The following SLC26A7 variants were observed in gnomAD, a reference collection of about 807,000 sequenced individuals.
SLC26A7 encodes anion exchange transporter.
In SLC26A7, 59 loss-of-function variants were observed where a neutral mutation model predicts 82.5. The ratio of observed to expected loss-of-function variants is 0.72; its 90% CI spans 0.58 to 0.89. SLC26A7 has a LOEUF of 0.89. Among genes scored for constraint, SLC26A7 ranks in the 40% least tolerant of loss-of-function variants. The pLI, the probability that SLC26A7 is intolerant of heterozygous loss-of-function variation, is 0.00. For missense variants in SLC26A7, 820 were observed against 793.0 expected (o/e 1.03, Z -0.41); for synonymous variants, 271 against 274.3 (o/e 0.99, Z 0.12).
intron 3 of SLC26A7, among the ~76,000 whole-genome samples, chr8:91,292,352 T>A (rs1238610281): frequency 1.3e-5 from 2 of 151,520 alleles, no homozygotes; most frequent in Non-Finnish European, 2.9e-5. Context: ...TTGCAACATA[T>A]ATATGTCAGG....
chr8:91,241,890 C>T (rs1448737691), intron 2 of SLC26A7, among the ~76,000 whole-genome samples: 1 of 152,202 alleles, frequency 6.6e-6, no homozygotes, highest in East Asian at 1.9e-4. Context: ...GGTACTATTT[C>T]AACTTTAAGA....
chr8:91,258,944 A>G lies in SLC26A7; in HGVS notation c.193+9100A>G, dbSNP rs926436875. 9.2e-5 allele frequency among the ~76,000 whole-genome samples: 14 copies of G among 152,188 alleles called. No individual in the cohort carries two copies. The South Asian group carries it at 1.0e-3, about 11-fold the overall frequency. ...CTTAAAATTCCTTCAGCAACACTGC[A>G]AATACCTTTTTACCTGCTCGTTCGC... On this transcript the variant is annotated intron_variant, in intron 2 of 18. Transcript: ENST00000276609.
At chr8:91,283,524 T>C (rs1214615268) in intron 2 of SLC26A7, among the ~76,000 whole-genome samples, 2 of 152,214 alleles carry the variant, frequency 1.3e-5, no homozygotes, top group African/African-American at 4.8e-5. Context: ...ATTGAATCTT[T>C]CATTTCTTTT....
rs148526809 is a variant in SLC26A7 at position 91,390,768 on chromosome 8, A to T, written c.1776+1330A>T. On this transcript the variant is annotated intron_variant, in intron 16 of 18. Coordinates refer to ENST00000276609, the MANE Select transcript of SLC26A7 (RefSeq NM_052832.4). ...GCTCAGGGAAGCTGCCACATTTTTAATGGGTCCCCCTCATCATGCCAGGAC... is the reference window on the plus strand; with the variant it reads ...GCTCAGGGAAGCTGCCACATTTTTATTGGGTCCCCCTCATCATGCCAGGAC... Among the ~76,000 whole-genome samples the T allele has an allele frequency of 4.9e-3, 745 of 152,238 alleles. 10 individuals are homozygous for T. The highest frequency in any genetic ancestry group is 0.016 in the African/African-American group (684 of 41,540).
chr8:91,376,985 C>G (rs980199159), intron 15 of SLC26A7, among the ~76,000 whole-genome samples: 2 of 152,098 alleles, frequency 1.3e-5, no homozygotes, highest in Non-Finnish European at 2.9e-5. Flanking sequence ...TCTGTCCACT[C>G]CCACTAAAAC....
In SLC26A7 at chr8:91,295,665, G is replaced by A. The variant is rs1276979479; in HGVS notation, c.439G>A (p.Val147Ile). The A allele has an allele frequency of 5.6e-6, 9 of 1,613,932 alleles. No individual in the cohort carries two copies. The highest frequency in any genetic ancestry group is 1.7e-5 in the Admixed American group (1 of 60,004). ...CGACTTTGAAATGCAAAGGATCCAC[G>A]TTGCTGCAGCAGTTTCCTTCTTGGG... ...LSDFEMQRIH[V>I]AAAVSFLGGV... The change falls in exon 4 of 19, where the codon GTT (valine) becomes ATT (isoleucine). Residue 147 changes from valine (V) to isoleucine (I), a missense_variant. Transcript: ENST00000276609.
chr8:91,263,292 T>G (rs1032791587), intron 2 of SLC26A7, among the ~76,000 whole-genome samples: 9 of 151,460 alleles, frequency 5.9e-5, no homozygotes, highest in African/African-American at 2.0e-4. Flanking sequence ...GTTATAATGG[T>G]TTTTTTTGTA....
At chr8:91,209,732 G>A (rs1279721228) in intron 1 of SLC26A7, among the ~76,000 whole-genome samples, 2 of 152,132 alleles carry the variant, frequency 1.3e-5, no homozygotes, top group Non-Finnish European at 2.9e-5. Context: ...TAAAAAATTA[G>A]TAGAATTTTT....
intron 11 of SLC26A7, among the ~76,000 whole-genome samples, chr8:91,358,386 T>C (rs1289148690): frequency 6.6e-6 from 1 of 150,478 alleles, no homozygotes; most frequent in East Asian, 1.9e-4. Flanking sequence ...TGGAGTGCAG[T>C]GGCACAATCT....
intron 2 of SLC26A7, among the ~76,000 whole-genome samples, chr8:91,239,096 T>G (rs1302227582): frequency 6.6e-6 from 1 of 151,984 alleles, no homozygotes; most frequent in Non-Finnish European, 1.5e-5. Flanking sequence ...TGAGGCCGGG[T>G]GTGGTGGCTT....
chr8:91,296,685 T>G (rs1289785676), intron 4 of SLC26A7, among the ~76,000 whole-genome samples: 1 of 152,224 alleles, frequency 6.6e-6, no homozygotes, highest in Non-Finnish European at 1.5e-5. Flanking sequence ...TTCATAGTCC[T>G]TGAAAGAAAT....
intron 2 of SLC26A7, among the ~76,000 whole-genome samples, chr8:91,284,857 A>G: frequency 6.6e-6 from 1 of 152,212 alleles, no homozygotes; most frequent in East Asian, 1.9e-4. Context: ...ATTATTTAAT[A>G]TTTATTAAGC....
intron 4 of SLC26A7, among the ~76,000 whole-genome samples, chr8:91,306,714 ATT>A (rs34135646): frequency 5.5e-5 from 8 of 145,202 alleles, no homozygotes; most frequent in East Asian, 2.0e-4. Context: ...AGATTTCCTT[ATT>A]TTTTTTTTTT....
chr8:91,282,644 A>C (rs1272325911), intron 2 of SLC26A7, among the ~76,000 whole-genome samples: 1 of 152,166 alleles, frequency 6.6e-6, no homozygotes, highest in Non-Finnish European at 1.5e-5. Flanking sequence ...TAGTCTTACA[A>C]CACAGAGGAA....
At chr8:91,292,222 T>C (rs180724731) in intron 3 of SLC26A7, among the ~76,000 whole-genome samples, 177 of 150,596 alleles carry the variant, frequency 1.2e-3, no homozygotes, top group Middle Eastern at 3.4e-3. Context: ...GGGAGAATGG[T>C]GTGAACCCGG....
intron 2 of SLC26A7, among the ~76,000 whole-genome samples, chr8:91,267,197 T>A (rs1005553416): frequency 1.3e-5 from 2 of 151,628 alleles, no homozygotes; most frequent in African/African-American, 4.8e-5. Flanking sequence ...ATATTGACAT[T>A]CCCCCCACCT....
chr8:91,271,167 T>G (rs534714932), intron 2 of SLC26A7, among the ~76,000 whole-genome samples: 1 of 152,314 alleles, frequency 6.6e-6, no homozygotes, highest in Admixed American at 6.5e-5. Flanking sequence ...CCCCAACCAT[T>G]CCATTTCACA....
At position 91,234,825 on chromosome 8, in the gene SLC26A7, C is replaced by CT. The variant is rs1267737133; in HGVS notation, c.-33-14793dup. Among the ~76,000 whole-genome samples the CT allele has an allele frequency of 5.2e-3, 454 of 86,478 alleles. 3 individuals are homozygous for CT. The highest frequency in any genetic ancestry group is 0.011 in the African/African-American group (246 of 21,504). 56.7% of individuals were successfully genotyped at this position (86,478 alleles called of 152,430 possible). ...CCTACCTACCTACCTACCTACCTAC[C>CT]TACTTCCTTCCTTCCTTCCTTCCTT... is the stretch of plus-strand genomic sequence containing the variant. On this transcript the variant is annotated intron_variant, in intron 2 of 5. Transcript: ENST00000522862.
intron 2 of SLC26A7, among the ~76,000 whole-genome samples, chr8:91,256,581 C>T (rs748669499): frequency 3.9e-5 from 6 of 152,034 alleles, no homozygotes; most frequent in Non-Finnish European, 8.8e-5. Context: ...TTTCCCAGGA[C>T]CTCCACAGCC....
Sources: allele counts gnomAD v4.1 joint callset (sites outside exome capture counted in the v4.1 genomes callset), GRCh38; gene constraint gnomAD v4.1.1; transcripts MANE v1.5; gene names NCBI Gene and HGNC (gene_info 2026-07-23, HGNC 2026-07-21).